Variants in PDZD2 observed in about 807,000 individuals in gnomAD.
PDZD2 encodes PDZ domain-containing protein 2.
PDZD2 carries 90 observed loss-of-function variants against 220.7 expected under a neutral mutation model. The observed-to-expected ratio is 0.41, with a 90% CI of 0.34 to 0.49. PDZD2 has a LOEUF of 0.49. PDZD2 is among the 20% of genes least tolerant of loss of function. PDZD2 has a pLI of 0.28. For missense variants in PDZD2, 3,174 were observed against 3,608.5 expected (o/e 0.88, Z 3.08); for synonymous variants, 1,375 against 1,450.5 (o/e 0.95, Z 1.18).
chr5:32,055,041 G>A (rs1738967171), intron 10 of PDZD2, among the ~76,000 whole-genome samples: 1 of 152,108 alleles, frequency 6.6e-6, no homozygotes, highest in South Asian at 2.1e-4. Context: ...TTTCCTTTCT[G>A]TACAGACACA....
At chr5:31,771,722 C>T (rs1012856345) in intron 1 of PDZD2, among the ~76,000 whole-genome samples, 2 of 152,154 alleles carry the variant, frequency 1.3e-5, no homozygotes, top group East Asian at 3.8e-4. Flanking sequence ...AACTGCCTGG[C>T]AAGTTAAAGG....
chr5:31,875,716 T>C (rs372320987), intron 2 of PDZD2, among the ~76,000 whole-genome samples: 1 of 150,352 alleles, frequency 6.7e-6, no homozygotes, highest in South Asian at 2.1e-4. Flanking sequence ...ATTATATATA[T>C]ACACACACCC....
At chr5:31,643,059 G>C (rs1178220118) in intron 1 of PDZD2, among the ~76,000 whole-genome samples, 4 of 152,194 alleles carry the variant, frequency 2.6e-5, no homozygotes, top group African/African-American at 9.7e-5. Flanking sequence ...AATTGATGCA[G>C]TCGCTACTTC....
At chr5:31,743,896 T>G (rs1055051649) in intron 1 of PDZD2, 12 of 152,220 alleles carry the variant, frequency 7.9e-5, no homozygotes, top group African/African-American at 2.9e-4. Flanking sequence ...GAGAGGCTAG[T>G]AGGTGAGAAA....
intron 2 of PDZD2, among the ~76,000 whole-genome samples, chr5:31,880,791 CTTTTTTTTT>C (rs1037018187): frequency 1.7e-4 from 13 of 76,468 alleles, no homozygotes; most frequent in African/African-American, 8.4e-4. Context: ...TTTTTTTTTT[CTTTTTTTTT>C]TTTTTTTTTT....
chr5:31,923,558 T>C, intron 2 of PDZD2: 1 of 870,536 alleles, frequency 1.1e-6, no homozygotes, highest in Non-Finnish European at 1.9e-6. Context: ...CTTCTGGATT[T>C]GGAGGCAATC....
intron 2 of PDZD2, chr5:31,841,011 A>G: frequency 2.8e-6 from 1 of 355,206 alleles, no homozygotes; most frequent in African/African-American, 2.1e-5. Flanking sequence ...CACTCATTAT[A>G]TTTTTGAAGC....
At chr5:32,005,107 T>G (rs569755229) in intron 5 of PDZD2, among the ~76,000 whole-genome samples, 1 of 152,358 alleles carries the variant, frequency 6.6e-6, no homozygotes, top group South Asian at 2.1e-4. Context: ...TCTTGACATG[T>G]TTCTCTTCTT....
intron 1 of PDZD2, among the ~76,000 whole-genome samples, chr5:31,780,188 C>T (rs541271346): frequency 6.6e-6 from 1 of 151,924 alleles, no homozygotes; most frequent in South Asian, 2.1e-4. Flanking sequence ...AGCCTGGGGA[C>T]GAGCTCAATA....
intron 1 of PDZD2, among the ~76,000 whole-genome samples, chr5:31,776,836 C>G (rs1402541880): frequency 6.9e-6 from 1 of 144,590 alleles, no homozygotes; most frequent in Non-Finnish European, 1.5e-5. Context: ...TTTTTGTATT[C>G]TTGGTAGAGA....
intron 2 of PDZD2, chr5:31,854,958 C>T (rs1309078531): frequency 1.0e-6 from 1 of 985,266 alleles, no homozygotes; most frequent in Non-Finnish European, 1.2e-6. Flanking sequence ...GGAGAGCAGC[C>T]TTCGGGAAGT....
intron 21 of PDZD2, 59 bp downstream of exon 21, chr5:32,093,083 T>C: frequency 1.1e-6 from 1 of 880,354 alleles, no homozygotes; most frequent in Non-Finnish European, 1.9e-6. Context: ...TGCCCAGGTA[T>C]GTGCTGCCTG....
At chr5:31,976,725 T>C (rs906440790) in intron 2 of PDZD2, among the ~76,000 whole-genome samples, 10 of 142,430 alleles carry the variant, frequency 7.0e-5, no homozygotes, top group African/African-American at 2.3e-4. Context: ...TTTTTTTTTT[T>C]TTTTTTTTTT....
chr5:31,941,455 A>T (rs926956787), intron 2 of PDZD2, among the ~76,000 whole-genome samples: 8 of 152,244 alleles, frequency 5.3e-5, no homozygotes, highest in Non-Finnish European at 1.2e-4. Flanking sequence ...AGAAAATTAC[A>T]TCTAAGTGCT....
chr5:31,662,108 C>T (rs986307767), intron 1 of PDZD2, among the ~76,000 whole-genome samples: 3 of 151,860 alleles, frequency 2.0e-5, no homozygotes, highest in Non-Finnish European at 4.4e-5. Flanking sequence ...GTTAGGAGTT[C>T]GTGACCAGCC....
chr5:31,935,295 A>C (rs1031681731), intron 2 of PDZD2, among the ~76,000 whole-genome samples: 1 of 152,194 alleles, frequency 6.6e-6, no homozygotes, highest in African/African-American at 2.4e-5. Flanking sequence ...TGGATCATGA[A>C]AGACCCCTTT....
intron 2 of PDZD2, among the ~76,000 whole-genome samples, chr5:31,888,707 G>A (rs1259699475): frequency 2.0e-5 from 3 of 152,156 alleles, no homozygotes; most frequent in Non-Finnish European, 4.4e-5. Flanking sequence ...AACTGTTGAG[G>A]ATGTAGTTTT....
intron 1 of PDZD2, among the ~76,000 whole-genome samples, chr5:31,732,188 C>G (rs1327339996): frequency 6.6e-6 from 1 of 152,192 alleles, no homozygotes; most frequent in Non-Finnish European, 1.5e-5. Flanking sequence ...TGCCCTAGTT[C>G]TGCCCTACAG....
At chr5:32,007,738 C>T (rs928808109) in intron 5 of PDZD2, among the ~76,000 whole-genome samples, 1 of 152,182 alleles carries the variant, frequency 6.6e-6, no homozygotes, top group East Asian at 1.9e-4. Flanking sequence ...AAATGGCCAA[C>T]GCAAAGGACT....
Sources: gnomAD v4.1 joint callset for allele counts (sites outside exome capture counted in the v4.1 genomes callset) on GRCh38, gnomAD v4.1.1 for gene constraint, MANE v1.5 for transcripts, NCBI Gene and HGNC (gene_info 2026-07-23, HGNC 2026-07-21) for gene names.